HCN1: variants seen among roughly 807,000 people sequenced by gnomAD.
HCN1 encodes hyperpolarization activated cyclic nucleotide gated potassium channel 1.
HCN1 carries 13 observed loss-of-function variants against 78.9 expected under a neutral mutation model. That is an observed-to-expected ratio of 0.16 (90% CI 0.11 to 0.26). The LOEUF (loss-of-function observed/expected upper bound fraction) is 0.26, where lower values mean the gene tolerates loss of function less well. Among genes scored for constraint, HCN1 ranks in the 10% least tolerant of loss-of-function variants. HCN1 has a pLI of 1.00. For synonymous variants in HCN1, 552 were observed against 455.5 expected, an observed-to-expected ratio of 1.21 and a Z score of -2.70; for missense variants, 810 against 1,154.3, an observed-to-expected ratio of 0.70 and a Z score of 4.32.
intron 3 of HCN1, among the ~76,000 whole-genome samples, chr5:45,436,374 A>G (rs1344958586): frequency 1.3e-5 from 2 of 152,120 alleles, no homozygotes; most frequent in Non-Finnish European, 2.9e-5. Flanking sequence ...GGCAGGGGGG[A>G]GGTTCTGCAT....
At chr5:45,342,667 C>T (rs371514955) in intron 5 of HCN1, among the ~76,000 whole-genome samples, 1 of 151,928 alleles carries the variant, frequency 6.6e-6, no homozygotes, top group Non-Finnish European at 1.5e-5. Flanking sequence ...GATATTTAGC[C>T]TCATATTTTT....
At chr5:45,549,735 TG>T (rs1320219184) in intron 2 of HCN1, among the ~76,000 whole-genome samples, 1 of 152,132 alleles carries the variant, frequency 6.6e-6, no homozygotes, top group Non-Finnish European at 1.5e-5. Context: ...AGAAAATTTT[TG>T]CAATCTACTC....
intron 4 of HCN1, among the ~76,000 whole-genome samples, chr5:45,393,035 C>T (rs1258862371): frequency 6.6e-6 from 1 of 152,078 alleles, no homozygotes; most frequent in Non-Finnish European, 1.5e-5. Context: ...TTGCACCTGC[C>T]CTGGAATTAT....
At chr5:45,575,880 T>C (rs1407190698) in intron 2 of HCN1, 4 of 152,036 alleles carry the variant, frequency 2.6e-5, no homozygotes. Context: ...AACTTTCAAG[T>C]GTTATGATTT....
At chr5:45,609,927 G>A (rs1744801281) in intron 2 of HCN1, among the ~76,000 whole-genome samples, 1 of 152,116 alleles carries the variant, frequency 6.6e-6, no homozygotes, top group Non-Finnish European at 1.5e-5. Flanking sequence ...GTGTGAAGCT[G>A]ATATAAAAGA....
chr5:45,462,659 C>G (rs772144613), intron 2 of HCN1, among the ~76,000 whole-genome samples: 1 of 151,926 alleles, frequency 6.6e-6, no homozygotes, highest in Admixed American at 6.6e-5. Context: ...ATGGTACAGG[C>G]TTTACTTTTC....
intron 3 of HCN1, among the ~76,000 whole-genome samples, chr5:45,429,404 C>T (rs1317175913): frequency 6.6e-6 from 1 of 152,116 alleles, no homozygotes; most frequent in Non-Finnish European, 1.5e-5. Context: ...ATATCCCTTA[C>T]TCACATAGCT....
intron 2 of HCN1, among the ~76,000 whole-genome samples, chr5:45,525,497 T>C (rs1433164336): frequency 2.0e-5 from 3 of 151,712 alleles, no homozygotes; most frequent in African/African-American, 7.2e-5. Flanking sequence ...TTATTTTATA[T>C]ACTAATTAAT....
At chr5:45,279,953 G>A (rs1441343241) in intron 6 of HCN1, among the ~76,000 whole-genome samples, 1 of 151,896 alleles carries the variant, frequency 6.6e-6, no homozygotes, top group Non-Finnish European at 1.5e-5. Context: ...CTTTCCTGAG[G>A]AGTCTAAACA....
At chr5:45,622,184 C>T (rs1343678690) in intron 2 of HCN1, among the ~76,000 whole-genome samples, 2 of 149,990 alleles carry the variant, frequency 1.3e-5, no homozygotes, top group African/African-American at 2.5e-5. Flanking sequence ...CCAGCCTGGG[C>T]GACAGAGGGA....
At chr5:45,674,509 G>C (rs1746224560) in intron 1 of HCN1, among the ~76,000 whole-genome samples, 1 of 151,696 alleles carries the variant, frequency 6.6e-6, no homozygotes, top group African/African-American at 2.4e-5. Context: ...AAGAATGAAA[G>C]AGAATATTTA....
intron 7 of HCN1, among the ~76,000 whole-genome samples, chr5:45,266,053 T>A (rs1744849928): frequency 2.0e-5 from 3 of 151,888 alleles, no homozygotes; most frequent in South Asian, 4.2e-4. Context: ...GCAAAGAGGG[T>A]TTAGGTGTGG....
intron 4 of HCN1, among the ~76,000 whole-genome samples, chr5:45,363,764 T>C (rs1396437489): frequency 6.6e-6 from 1 of 152,016 alleles, no homozygotes; most frequent in Non-Finnish European, 1.5e-5. Flanking sequence ...GGTTTCCGCT[T>C]TTGCTTCCTC....
At chr5:45,580,775 G>C (rs1169263608) in intron 2 of HCN1, among the ~76,000 whole-genome samples, 1 of 152,124 alleles carries the variant, frequency 6.6e-6, no homozygotes, top group Non-Finnish European at 1.5e-5. Flanking sequence ...ACCTATGAGT[G>C]AGAACATGCG....
chr5:45,599,871 A>C (rs1255136295), intron 2 of HCN1, among the ~76,000 whole-genome samples: 1 of 152,060 alleles, frequency 6.6e-6, no homozygotes, highest in Non-Finnish European at 1.5e-5. Context: ...TCACTGAAAT[A>C]AATGTGAAAC....
chr5:45,324,403 G>T (rs1370528877), intron 5 of HCN1, among the ~76,000 whole-genome samples: 2 of 151,930 alleles, frequency 1.3e-5, no homozygotes, highest in Non-Finnish European at 2.9e-5. Context: ...ATGAAAAAAT[G>T]CTCATCATCA....
At chr5:45,531,695 G>A (rs1455845073) in intron 2 of HCN1, among the ~76,000 whole-genome samples, 1 of 151,904 alleles carries the variant, frequency 6.6e-6, no homozygotes, top group African/African-American at 2.4e-5. Context: ...TTTTTGTCTT[G>A]TAGTTTACTT....
chr5:45,465,754 T>A (rs1445741988), intron 2 of HCN1, among the ~76,000 whole-genome samples: 1 of 151,726 alleles, frequency 6.6e-6, no homozygotes, highest in Non-Finnish European at 1.5e-5. Context: ...GACTTTGATG[T>A]GAAAAAAAAA....
chr5:45,664,338 G>T (rs1745987954), intron 1 of HCN1, among the ~76,000 whole-genome samples: 4 of 142,834 alleles, frequency 2.8e-5, no homozygotes, highest in African/African-American at 5.3e-5. Flanking sequence ...GGATAGCATT[G>T]GGAGATATAC....
Sources: allele counts gnomAD v4.1 joint callset (sites outside exome capture counted in the v4.1 genomes callset), GRCh38; gene constraint gnomAD v4.1.1; transcripts MANE v1.5; gene names NCBI Gene and HGNC (gene_info 2026-07-23, HGNC 2026-07-21).